Variants in DOCK10 observed in about 807,000 individuals in gnomAD.
DOCK10 encodes dedicator of cytokinesis 10, also known as dedicator of cytokinesis protein 10.
In DOCK10, 145 loss-of-function variants were observed where a neutral mutation model predicts 280.1. That is an observed-to-expected ratio of 0.52 (90% CI 0.45 to 0.59). The LOEUF (loss-of-function observed/expected upper bound fraction) is 0.59, where lower values mean the gene tolerates loss of function less well. DOCK10 is among the 20% of genes least tolerant of loss of function. The pLI is 0.00. For missense variants in DOCK10, 2,368 were observed against 2,651.7 expected (o/e 0.89, Z 2.35); for synonymous variants, 915 against 942.2 (o/e 0.97, Z 0.53).
In DOCK10 at chr2:224,893,411, T is replaced by C. The variant is rs139432764; in HGVS notation, c.416+2884A>G. 6.1e-4 allele frequency: 106 copies of C among 175,010 alleles called. 1 individual carries two copies. In the East Asian group the frequency reaches 8.2e-3, roughly 14 times the overall value. 10.8% of individuals were successfully genotyped at this position (175,010 alleles called of 1,614,324 possible). On this transcript the variant is annotated intron_variant, in intron 4 of 55. Coordinates refer to ENST00000258390, the MANE Select transcript of DOCK10 (RefSeq NM_014689.3). ...TAGTCACAATTTATACTCTTATGAA[T>C]TTTTCTTCCTTACATCTTCTTTCTA...
In DOCK10 at chr2:224,897,995, G is replaced by T. The variant is rs181915224; in HGVS notation, c.334-1618C>A. Among the ~76,000 whole-genome samples, 21 of 152,280 alleles carry T rather than the reference G, an allele frequency of 1.4e-4. 1 individual carries two copies. The highest frequency in any genetic ancestry group is 5.1e-4 in the African/African-American group (21 of 41,564). On this transcript the variant is annotated intron_variant, in intron 3 of 55. Coordinates refer to ENST00000258390, the MANE Select transcript of DOCK10 (RefSeq NM_014689.3). ...AACACCTGTTCTTTAGCATTAGGGG[G>T]AAAATGAAGAGTAATAAACCTATTG...
chr2:224,770,622 A>G lies in DOCK10; in HGVS notation c.6228T>C (p.Tyr2076=). The change falls in exon 54 of 56, where the codon TAT becomes TAC. Residue 2076 remains tyrosine (Y), a synonymous_variant. Transcript: ENST00000258390. This position sits in a 1 kb window ranked among gnomAD's most constrained non-coding sequence, Gnocchi z 4.5. The stretch of plus-strand genomic sequence containing the variant: ...TGGTTTCTTCAAGAAAAGCTCGTGC[A>G]TAGGCCATTGGCCCAGCATTAACCT... ...SVKVNAGPMA[Y]ARAFLEETNA... is the part of the protein sequence containing the mutation. 1.9e-6 allele frequency: 3 copies of G among 1,613,892 alleles called. No homozygotes were observed. Among genetic ancestry groups the G allele is most frequent in the Middle Eastern group, 1.6e-4 (1 of 6,062 alleles).
Position 224,807,952 on chromosome 2 carries a change from G to C in DOCK10, c.3544C>G (p.Leu1182Val). Residue 1182 changes from leucine to valine, a missense_variant, in exon 32 of 56, where the codon CTA becomes GTA. Around this residue, in one of 2 missense-constraint regions of DOCK10, gnomAD observed 1,159 missense variants for 1,400.8 expected, o/e 0.83. Transcript: ENST00000258390. The part of the protein sequence containing the change: ...RHLALAVLKN[L>V]MAKHSFDDRY... ...TCATCAAATGAATGCTTAGCCATTAGATTTTTTAGGACAGCTAAAGCTAAG... is the reference window on the plus strand; with the variant it reads ...TCATCAAATGAATGCTTAGCCATTACATTTTTTAGGACAGCTAAAGCTAAG... 6.2e-7 allele frequency: 1 copy of C among 1,612,844 alleles called. No individual in the cohort carries two copies. The highest frequency in any genetic ancestry group is 8.5e-7 in the Non-Finnish European group (1 of 1,179,370).
intron 1 of DOCK10, among the ~76,000 whole-genome samples, chr2:225,036,593 G>A (rs1272819658): frequency 6.6e-6 from 1 of 152,148 alleles, no homozygotes; most frequent in African/African-American, 2.4e-5. Context: ...GCTCCCATGT[G>A]ATCTAATGTT....
At chr2:225,038,696 T>C (rs1326701202) in intron 1 of DOCK10, among the ~76,000 whole-genome samples, 1 of 152,182 alleles carries the variant, frequency 6.6e-6, no homozygotes, top group Non-Finnish European at 1.5e-5. Context: ...TGTCTAATAA[T>C]AGAGTAAATA....
intron 1 of DOCK10, among the ~76,000 whole-genome samples, chr2:224,967,372 G>A (rs540856265): frequency 6.2e-4 from 94 of 152,190 alleles, no homozygotes; most frequent in Middle Eastern, 3.4e-3. Flanking sequence ...GAGCCACCGC[G>A]CCCAGCCGGC....
chr2:225,042,384 C>T lies in DOCK10; in HGVS notation c.-10G>A, dbSNP rs1445579639. On this transcript the variant is annotated 5_prime_UTR_variant, in exon 1 of 56. It adds an upstream start codon to the 5' untranslated region. Transcript: ENST00000258390. This position sits in a 1 kb window ranked among gnomAD's most constrained non-coding sequence, Gnocchi z 5.1. The stretch of plus-strand genomic sequence containing the variant: ...TCCGCTCACCGGCCATCGCCGGTCA[C>T]GCCAATCGCGCCGCGGGCCCGGGGC... 2.7e-5 allele frequency: 33 copies of T among 1,243,350 alleles called. No homozygotes were observed. Among genetic ancestry groups the T allele is most frequent in the African/African-American group, 7.8e-5 (5 of 64,190 alleles). The allele number at this position is 1,243,350 out of a possible 1,614,324, so 77.0% of individuals were successfully genotyped here.
intron 1 of DOCK10, among the ~76,000 whole-genome samples, chr2:224,972,712 T>A (rs550948167): frequency 1.4e-4 from 22 of 152,320 alleles, no homozygotes; most frequent in African/African-American, 5.1e-4. Context: ...ATCCTAAACA[T>A]TCAAGCTTTT....
At chr2:224,914,796 T>C (rs1701219730) in intron 3 of DOCK10, among the ~76,000 whole-genome samples, 1 of 152,058 alleles carries the variant, frequency 6.6e-6, no homozygotes, top group East Asian at 1.9e-4. Flanking sequence ...AAGATAAAAA[T>C]CAAAGAAACA....
chr2:224,881,700 T>C (rs530549532), intron 7 of DOCK10, among the ~76,000 whole-genome samples: 1 of 152,182 alleles, frequency 6.6e-6, no homozygotes, highest in Non-Finnish European at 1.5e-5. Context: ...AATAATATAT[T>C]AGATGAAGAA....
chr2:224,937,019 A>G (rs1702729739), intron 1 of DOCK10, among the ~76,000 whole-genome samples: 2 of 152,204 alleles, frequency 1.3e-5, no homozygotes, highest in South Asian at 4.1e-4. Context: ...AAAGGAGACC[A>G]GGGAAAATAA....
chr2:224,983,262 G>A (rs1705837218), intron 1 of DOCK10, among the ~76,000 whole-genome samples: 1 of 152,162 alleles, frequency 6.6e-6, no homozygotes, highest in Non-Finnish European at 1.5e-5. Context: ...TGACTCCTGC[G>A]AGACTAGTCA....
At chr2:224,988,483 C>G (rs1400175084) in intron 1 of DOCK10, among the ~76,000 whole-genome samples, 1 of 152,210 alleles carries the variant, frequency 6.6e-6, no homozygotes, top group Non-Finnish European at 1.5e-5. Context: ...ACACCTCCCT[C>G]TATGAGGCAG....
chr2:224,873,080 A>T (rs1264299588), intron 11 of DOCK10, among the ~76,000 whole-genome samples: 2 of 152,190 alleles, frequency 1.3e-5, no homozygotes, highest in Middle Eastern at 3.2e-3. Flanking sequence ...ATATCAGTGA[A>T]GCTCCTTTGT....
At chr2:224,967,180 C>T (rs1046506284) in intron 1 of DOCK10, among the ~76,000 whole-genome samples, 2 of 151,482 alleles carry the variant, frequency 1.3e-5, no homozygotes, top group African/African-American at 2.4e-5. Flanking sequence ...CCCGGGTTCA[C>T]GCCATTCTTC....
intron 3 of DOCK10, among the ~76,000 whole-genome samples, chr2:224,915,042 C>G (rs1032126269): frequency 2.6e-5 from 4 of 151,848 alleles, no homozygotes; most frequent in Non-Finnish European, 5.9e-5. Flanking sequence ...TTATAAGGAC[C>G]TTAGAATAAA....
intron 1 of DOCK10, among the ~76,000 whole-genome samples, chr2:224,960,736 T>TTTTTC (rs1704318306): frequency 7.8e-6 from 1 of 128,748 alleles, no homozygotes; most frequent in Admixed American, 7.6e-5. Flanking sequence ...AATTCTTTTT[T>TTTTTC]TTTTTTTTTT....
intron 1 of DOCK10, among the ~76,000 whole-genome samples, chr2:224,974,536 G>T (rs1263359926): frequency 6.6e-6 from 1 of 151,694 alleles, no homozygotes; most frequent in East Asian, 1.9e-4. Flanking sequence ...ATTGAAGCCT[G>T]GCGTTTAGAG....
At chr2:224,797,261 G>A (rs950686131) in intron 42 of DOCK10, 115 bp from the exon 43 acceptor site, 85 of 771,770 alleles carry the variant, frequency 1.1e-4, no homozygotes, top group Middle Eastern at 7.9e-4. Flanking sequence ...TTTTAACTTG[G>A]TCTATTTTTT....
Sources: allele counts gnomAD v4.1 joint callset (sites outside exome capture counted in the v4.1 genomes callset), GRCh38; gene constraint gnomAD v4.1.1; regional missense constraint gnomAD v4.1.1; non-coding constraint Gnocchi (gnomAD v3.1); transcripts MANE v1.5; gene names NCBI Gene and HGNC (gene_info 2026-07-23, HGNC 2026-07-21).